Variants in ERI3 observed in about 807,000 individuals in gnomAD.
ERI3 encodes ERI1 exoribonuclease family member 3, also known as ERI1 exoribonuclease 3.
A neutral mutation model predicts 44.4 loss-of-function variants in ERI3; 18 were observed. The observed-to-expected ratio is 0.41, with a 90% confidence interval of 0.28 to 0.60. ERI3 has a LOEUF of 0.60. ERI3 is among the 20% of genes least tolerant of loss of function. The pLI is 0.36. For missense variants in ERI3, 294 were observed against 435.5 expected (o/e 0.68, Z 2.89); for synonymous variants, 183 against 164.8 (o/e 1.11, Z -0.84).
At chr1:44,302,186 G>C (rs572123095) in intron 6 of ERI3, among the ~76,000 whole-genome samples, 2 of 152,338 alleles carry the variant, frequency 1.3e-5, no homozygotes, top group African/African-American at 2.4e-5. Context: ...GGCCGTTGTG[G>C]AGAAGCATTC....
chr1:44,277,317 C>G (rs940323145), intron 7 of ERI3, among the ~76,000 whole-genome samples: 6 of 152,140 alleles, frequency 3.9e-5, no homozygotes, highest in Non-Finnish European at 7.3e-5. Flanking sequence ...CCCTTACTGG[C>G]TTCTTCTCCC....
chr1:44,234,969 G>A (rs752785877), intron 8 of ERI3, among the ~76,000 whole-genome samples: 6 of 152,242 alleles, frequency 3.9e-5, no homozygotes, highest in Non-Finnish European at 7.3e-5. Flanking sequence ...TAACTGTATT[G>A]TGATTATGTA....
chr1:44,264,371 C>T (rs1402430619), intron 7 of ERI3, among the ~76,000 whole-genome samples: 2 of 152,218 alleles, frequency 1.3e-5, no homozygotes, highest in Non-Finnish European at 2.9e-5. Flanking sequence ...TGGCGTGATA[C>T]ATCTCAGTCT....
At chr1:44,345,418 G>C (rs1646764333) in intron 2 of ERI3, among the ~76,000 whole-genome samples, 1 of 152,138 alleles carries the variant, frequency 6.6e-6, no homozygotes, top group Non-Finnish European at 1.5e-5. Context: ...GCCAGACTAG[G>C]AGGCAGGGAT....
intron 6 of ERI3, among the ~76,000 whole-genome samples, chr1:44,289,320 T>G (rs1353420586): frequency 6.6e-6 from 1 of 152,100 alleles, no homozygotes; most frequent in Non-Finnish European, 1.5e-5. Context: ...AGACTATGGG[T>G]CTAAGGCCAG....
chr1:44,314,317 A>G (rs193222720), intron 4 of ERI3, among the ~76,000 whole-genome samples: 93 of 152,290 alleles, frequency 6.1e-4, no homozygotes, highest in Admixed American at 9.2e-4. Flanking sequence ...TCATTTTAAA[A>G]ACGCTGAGCT....
chr1:44,340,563 C>A (rs542345165), intron 2 of ERI3, among the ~76,000 whole-genome samples: 58 of 152,314 alleles, frequency 3.8e-4, no homozygotes, highest in African/African-American at 1.3e-3. Flanking sequence ...ACCACCTGAA[C>A]AGAAGCAGAT....
chr1:44,350,865 C>A (rs1270085865), intron 2 of ERI3, among the ~76,000 whole-genome samples: 1 of 151,638 alleles, frequency 6.6e-6, no homozygotes, highest in African/African-American at 2.4e-5. Context: ...AGATTATAGG[C>A]ACGAGCCATC....
intron 7 of ERI3, among the ~76,000 whole-genome samples, chr1:44,282,805 C>A (rs904151269): frequency 1.3e-5 from 2 of 152,254 alleles, no homozygotes; most frequent in Non-Finnish European, 2.9e-5. Flanking sequence ...CAACTAGCAA[C>A]AGAGTCCTCA....
chr1:44,318,258 C>G (rs545729647), intron 4 of ERI3, among the ~76,000 whole-genome samples: 105 of 152,312 alleles, frequency 6.9e-4, no homozygotes, highest in Non-Finnish European at 9.0e-4. Context: ...AAATTTGGGC[C>G]TGCCTGTCTA....
intron 8 of ERI3, among the ~76,000 whole-genome samples, chr1:44,227,221 A>T (rs187953559): frequency 2.0e-5 from 3 of 152,336 alleles, no homozygotes; most frequent in Admixed American, 2.0e-4. Context: ...CAGAATGCTT[A>T]GCTTGGTAAC....
At chr1:44,264,488 T>C (rs1411063100) in intron 7 of ERI3, among the ~76,000 whole-genome samples, 1 of 152,250 alleles carries the variant, frequency 6.6e-6, no homozygotes, top group Non-Finnish European at 1.5e-5. Context: ...CAATGATTGC[T>C]ATCAGCAGCC....
At chr1:44,329,015 T>C (rs770968345) in intron 3 of ERI3, among the ~76,000 whole-genome samples, 1 of 152,216 alleles carries the variant, frequency 6.6e-6, no homozygotes, top group Non-Finnish European at 1.5e-5. Context: ...CTTCTTGTCA[T>C]GGCAGTGCCT....
intron 8 of ERI3, among the ~76,000 whole-genome samples, chr1:44,239,062 C>T (rs1484827910): frequency 6.6e-6 from 1 of 151,466 alleles, no homozygotes; most frequent in African/African-American, 2.4e-5. Flanking sequence ...CTCCCACTCC[C>T]TGGTCACTAC....
In ERI3 at chr1:44,228,370, C is replaced by T. The variant is rs376561896; in HGVS notation, c.932-6730G>A. ...GCGATTTCTCTCACCGTAATAAGCG[C>T]GCTCCAAATAATTAGCGTGTTTTAC... On this transcript the variant is annotated intron_variant, in intron 8 of 8. Transcript: ENST00000372257. This position sits in a 1 kb window ranked among gnomAD's most constrained non-coding sequence, Gnocchi z 4.3. Among the ~76,000 whole-genome samples the T allele has an allele frequency of 2.0e-4, 30 of 152,278 alleles. 2 individuals carry two copies. The highest frequency in any genetic ancestry group is 4.6e-4 in the African/African-American group (19 of 41,544).
intron 7 of ERI3, among the ~76,000 whole-genome samples, chr1:44,260,512 G>A (rs1416557158): frequency 1.3e-5 from 2 of 152,324 alleles, no homozygotes; most frequent in Admixed American, 6.5e-5. Context: ...GAAAGGACGT[G>A]ATCAGAGCCA....
intron 6 of ERI3, among the ~76,000 whole-genome samples, chr1:44,305,958 C>A (rs919345389): frequency 6.6e-6 from 1 of 152,338 alleles, no homozygotes; most frequent in East Asian, 1.9e-4. Flanking sequence ...CTTTACCGGG[C>A]GCATAAAAAG....
intron 6 of ERI3, among the ~76,000 whole-genome samples, chr1:44,292,543 G>A (rs1449848510): frequency 6.6e-6 from 1 of 152,320 alleles, no homozygotes; most frequent in African/African-American, 2.4e-5. Flanking sequence ...CACTGCAGGA[G>A]TGACTACTGA....
chr1:44,298,744 G>A (rs1021525721), intron 6 of ERI3, among the ~76,000 whole-genome samples: 5 of 151,912 alleles, frequency 3.3e-5, no homozygotes, highest in East Asian at 1.9e-4. Context: ...GCAAAACCCC[G>A]TCTCCACAAA....
Sources: gnomAD v4.1 joint callset for allele counts (sites outside exome capture counted in the v4.1 genomes callset) on GRCh38, gnomAD v4.1.1 for gene constraint, Gnocchi (gnomAD v3.1) non-coding constraint, MANE v1.5 for transcripts, NCBI Gene and HGNC (gene_info 2026-07-23, HGNC 2026-07-21) for gene names.